Variants in CD53 observed in about 807,000 individuals in gnomAD.
CD53 encodes the protein leukocyte surface antigen CD53.
Under a neutral mutation model 27.3 loss-of-function variants are expected in CD53, and 20 were observed. The ratio of observed to expected loss-of-function variants is 0.73; its 90% CI spans 0.52 to 1.07. The LOEUF (loss-of-function observed/expected upper bound fraction) is 1.07, where lower values mean the gene tolerates loss of function less well. CD53 is among the 50% of genes least tolerant of loss of function. CD53 has a pLI of 0.00. For missense variants in CD53, 216 were observed against 264.0 expected, an observed-to-expected ratio of 0.82 and a Z score of 1.26; for synonymous variants, 106 against 105.3, an observed-to-expected ratio of 1.01 and a Z score of -0.04.
chr1:110,875,860 C>G (rs1022649845), intron 1 of CD53, among the ~76,000 whole-genome samples: 7 of 152,168 alleles, frequency 4.6e-5, no homozygotes, highest in Non-Finnish European at 7.4e-5. Flanking sequence ...ATTTGCAAAG[C>G]CAGTGGATGA....
intron 1 of CD53, among the ~76,000 whole-genome samples, chr1:110,885,170 CTAT>C (rs1332675853): frequency 2.0e-5 from 3 of 152,176 alleles, no homozygotes; most frequent in Non-Finnish European, 1.5e-5. Context: ...AGTCTCTACA[CTAT>C]TATTATCATA....
In CD53 at chr1:110,888,058, A is replaced by G. The variant is rs1450310378; in HGVS notation, c.-17-3334A>G. On this transcript the variant is annotated intron_variant, in intron 1 of 7. Transcript: ENST00000271324. ...TGTGATGACAAAAGCAAGAAGTTGCACGATGCAAGAAAGGAGGTAAGGAAT... is the reference window on the plus strand; with the variant it reads ...TGTGATGACAAAAGCAAGAAGTTGCGCGATGCAAGAAAGGAGGTAAGGAAT... Among the ~76,000 whole-genome samples the G allele has an allele frequency of 2.0e-5, 3 of 152,216 alleles. 1 individual carries two copies. Among genetic ancestry groups the G allele is most frequent in the Admixed American group, 2.0e-4 (3 of 15,288 alleles).
intron 3 of CD53, among the ~76,000 whole-genome samples, chr1:110,893,852 C>A (rs142838610): frequency 9.4e-4 from 143 of 152,314 alleles, no homozygotes; most frequent in Non-Finnish European, 1.8e-3. Context: ...GCATCGAAAG[C>A]TGGAAACAAA....
intron 1 of CD53, among the ~76,000 whole-genome samples, chr1:110,885,800 G>A (rs1039156152): frequency 1.4e-5 from 2 of 144,496 alleles, no homozygotes; most frequent in African/African-American, 2.6e-5. Flanking sequence ...AGAGGCGGAG[G>A]TTGCAGTGAG....
rs1657068212 is a variant in CD53, at chr1:110,896,504, T to C, written c.424-149T>C. ...AATGGTATAACAGATTAGAAAGCAC[T>C]TTGTTTTAAGGAGCCCATAGCAATC... is the stretch of plus-strand genomic sequence containing the variant. On this transcript the variant is annotated intron_variant, in intron 5 of 7. Coordinates refer to ENST00000271324, the MANE Select transcript of CD53 (RefSeq NM_000560.4). 4 of 675,688 alleles carry C rather than the reference T, an allele frequency of 5.9e-6. No individual in the cohort carries two copies. In the East Asian group the frequency reaches 1.1e-4, roughly 18 times the overall value. The allele number at this position is 675,688 out of a possible 1,614,324, so 41.9% of individuals were successfully genotyped here.
In CD53 at chr1:110,896,706, A is replaced by G. The variant is rs1296090682; in HGVS notation, c.477A>G (p.Ala159=). The change falls in exon 6 of 8, where the codon GCA becomes GCG. Residue 159 remains alanine (A), a synonymous_variant. Transcript: ENST00000271324. ...GTGATTGGACCAGTGGCCCACCAGC[A>G]TCTTGCCCCTCAGATCGAAAAGTGG... ...GTSDWTSGPP[A]SCPSDRKVEG... 6.2e-7 allele frequency: 1 copy of G among 1,613,610 alleles called. No individual in the cohort carries two copies. The highest frequency in any genetic ancestry group is 8.5e-7 in the Non-Finnish European group (1 of 1,179,774).
At chr1:110,871,942 A>G (rs1203351750), upstream of CD53, among the ~76,000 whole-genome samples, 3 of 151,954 alleles carry the variant, frequency 2.0e-5, no homozygotes, top group Admixed American at 2.0e-4. Flanking sequence ...TGCAGTAAAG[A>G]CCTTTTTACC....
At chr1:110,875,090 G>A (rs765662915) in intron 1 of CD53, among the ~76,000 whole-genome samples, 1 of 152,166 alleles carries the variant, frequency 6.6e-6, no homozygotes, top group Non-Finnish European at 1.5e-5. Context: ...AAACTGCCTA[G>A]AGAGGTGACT....
intron 1 of CD53, among the ~76,000 whole-genome samples, chr1:110,875,763 C>T (rs1656107090): frequency 6.6e-6 from 1 of 152,110 alleles, no homozygotes; most frequent in Non-Finnish European, 1.5e-5. Context: ...GCTGCTGGGG[C>T]AGAGGAGGGA....
chr1:110,882,904 TCTTGTTTCTAGCAACCTTGCTACACTTA>T (rs1455054905), intron 1 of CD53, among the ~76,000 whole-genome samples: 2 of 152,076 alleles, frequency 1.3e-5, no homozygotes, highest in Non-Finnish European at 2.9e-5. Flanking sequence ...GTGGATTGAA[TCTTGTTTCTAGCAACCTTGCTACACTTA>T]CTTGTTAGTT....
In CD53 at chr1:110,885,267, T is replaced by G. The variant is rs561111579; in HGVS notation, c.-17-6125T>G. ...ACAGTTCAGTATCTATTAAAGAGATTTGGGCAGGCGCGGTGGCTCACGCCT... is the reference window on the plus strand; with the variant it reads ...ACAGTTCAGTATCTATTAAAGAGATGTGGGCAGGCGCGGTGGCTCACGCCT... On this transcript the variant is annotated intron_variant, in intron 1 of 7. Coordinates refer to ENST00000271324, the MANE Select transcript of CD53 (RefSeq NM_000560.4). Among the ~76,000 whole-genome samples, 68 of 152,328 alleles carry G rather than the reference T, an allele frequency of 4.5e-4. 1 individual carries two copies. In the East Asian group the frequency reaches 0.01, roughly 23 times the overall value.
upstream of CD53, among the ~76,000 whole-genome samples, chr1:110,871,377 T>C (rs1253169562): frequency 6.6e-6 from 1 of 151,884 alleles, no homozygotes; most frequent in Non-Finnish European, 1.5e-5. Context: ...GGTGGTGGTG[T>C]GGGAGAGAGA....
upstream of CD53, among the ~76,000 whole-genome samples, chr1:110,872,709 G>T (rs905563237): frequency 6.6e-6 from 1 of 152,182 alleles, no homozygotes. Context: ...TCTTCAGAAA[G>T]ACATTCCAAA....
At position 110,899,144 on chromosome 1, in the gene CD53, A is replaced by C. The variant is rs368760369; in HGVS notation, c.609A>C (p.Ala203=). 3 of 1,613,944 alleles carry C rather than the reference A, an allele frequency of 1.9e-6. No individual in the cohort carries two copies. Among genetic ancestry groups the C allele is most frequent in the Non-Finnish European group, 2.5e-6 (3 of 1,179,858 alleles). ...CVIEVLGMSF[A]LTLNCQIDKT... Reference sequence around the variant, plus strand: ...CACAGGTGTTGGGGATGTCCTTTGCACTGACCCTGAACTGCCAGATTGACA... The same window carrying C: ...CACAGGTGTTGGGGATGTCCTTTGCCCTGACCCTGAACTGCCAGATTGACA... The change falls in exon 8 of 8, where the codon GCA becomes GCC. Residue 203 remains alanine (A), a synonymous_variant. Coordinates refer to ENST00000271324, the MANE Select transcript of CD53 (RefSeq NM_000560.4).
At chr1:110,891,823 A>G (rs540389465) in intron 2 of CD53, among the ~76,000 whole-genome samples, 14 of 152,344 alleles carry the variant, frequency 9.2e-5, no homozygotes, top group African/African-American at 3.4e-4. Context: ...CCTTGAAACA[A>G]TAAGTGATTG....
chr1:110,881,819 T>G (rs982424070), intron 1 of CD53, among the ~76,000 whole-genome samples: 2 of 152,160 alleles, frequency 1.3e-5, no homozygotes, highest in East Asian at 1.9e-4. Context: ...AGATGTGGAG[T>G]GGTATCTTAC....
At chr1:110,875,990 C>T (rs370357211) in intron 1 of CD53, among the ~76,000 whole-genome samples, 1 of 152,188 alleles carries the variant, frequency 6.6e-6, no homozygotes, top group South Asian at 2.1e-4. Flanking sequence ...ATCAATATGT[C>T]ATAGCTCTGA....
chr1:110,893,738 C>T (rs12405367), intron 3 of CD53, among the ~76,000 whole-genome samples: 97,665 of 152,122 alleles, frequency 0.64, 33,343 homozygotes, highest in Non-Finnish European at 0.77. Context: ...TGGGGTAAGG[C>T]AAATGTTTTA....
chr1:110,898,618 G>A (rs918103555), intron 7 of CD53, among the ~76,000 whole-genome samples: 2 of 152,016 alleles, frequency 1.3e-5, no homozygotes, highest in African/African-American at 4.8e-5. Flanking sequence ...TGCTTAGTTT[G>A]ACAAGTGATG....
Sources: gnomAD v4.1 joint callset for allele counts (sites outside exome capture counted in the v4.1 genomes callset) on GRCh38, gnomAD v4.1.1 for gene constraint, MANE v1.5 for transcripts, NCBI Gene and HGNC (gene_info 2026-07-23, HGNC 2026-07-21) for gene names.